Variants in RAP1GDS1 observed in about 807,000 individuals in gnomAD.
The protein encoded by RAP1GDS1 is Rap1 GTPase-GDP dissociation stimulator 1.
In RAP1GDS1, 35 loss-of-function variants were observed where a neutral mutation model predicts 71.1. The observed-to-expected ratio is 0.49, with a 90% CI of 0.38 to 0.65. The LOEUF (loss-of-function observed/expected upper bound fraction) is 0.65, where lower values mean the gene tolerates loss of function less well. Ranked by LOEUF, RAP1GDS1 falls within the 30% of genes least tolerant of loss-of-function variation. RAP1GDS1 has a pLI of 0.00. For missense variants in RAP1GDS1, 663 were observed against 706.1 expected (o/e 0.94, Z 0.69); for synonymous variants, 229 against 243.1 (o/e 0.94, Z 0.54).
intron 2 of RAP1GDS1, among the ~76,000 whole-genome samples, chr4:98,337,052 G>A (rs1734809510): frequency 6.6e-6 from 1 of 151,992 alleles, no homozygotes; most frequent in Admixed American, 6.6e-5. Context: ...CCACCACCAT[G>A]CCCAGCTAAT....
At chr4:98,434,127 G>A in intron 13 of RAP1GDS1, 65 bp downstream of exon 13, 1 of 1,573,882 alleles carries the variant, frequency 6.4e-7, no homozygotes, top group Middle Eastern at 1.7e-4. Context: ...AAGTATAGAA[G>A]TGGAGTTGAA....
At chr4:98,440,691 T>G (rs1380693068) in intron 14 of RAP1GDS1, among the ~76,000 whole-genome samples, 2 of 149,400 alleles carry the variant, frequency 1.3e-5, no homozygotes, top group African/African-American at 2.6e-5. Context: ...AATTGAAGGG[T>G]GTTGTTGTTG....
chr4:98,334,770 C>T (rs571688308), intron 2 of RAP1GDS1, among the ~76,000 whole-genome samples: 1 of 151,206 alleles, frequency 6.6e-6, no homozygotes, highest in Admixed American at 6.6e-5. Flanking sequence ...ATACTTAAGT[C>T]GTTAGTTGTC....
intron 2 of RAP1GDS1, among the ~76,000 whole-genome samples, chr4:98,332,963 A>G (rs189385958): frequency 4.3e-4 from 66 of 152,268 alleles, no homozygotes; most frequent in Non-Finnish European, 7.4e-4. Context: ...GACCTTTGAC[A>G]ACATGCTTAG....
At chr4:98,326,481 A>G (rs966115841) in intron 2 of RAP1GDS1, among the ~76,000 whole-genome samples, 1 of 152,188 alleles carries the variant, frequency 6.6e-6, no homozygotes, top group Admixed American at 6.5e-5. Context: ...ATTGTGATTT[A>G]TTCCCATTAA....
At chr4:98,312,211 A>G (rs747405097) in intron 2 of RAP1GDS1, among the ~76,000 whole-genome samples, 2 of 152,136 alleles carry the variant, frequency 1.3e-5, no homozygotes, top group Non-Finnish European at 2.9e-5. Flanking sequence ...CAATTCATGA[A>G]CACCTTAGTA....
At chr4:98,332,052 C>CT (rs1317270871) in intron 2 of RAP1GDS1, among the ~76,000 whole-genome samples, 4 of 152,112 alleles carry the variant, frequency 2.6e-5, no homozygotes, top group African/African-American at 9.7e-5. Context: ...AATGCAAAGT[C>CT]TTTGTTTCTT....
intron 2 of RAP1GDS1, among the ~76,000 whole-genome samples, chr4:98,331,944 G>C (rs1734080156): frequency 6.6e-6 from 1 of 152,052 alleles, no homozygotes; most frequent in African/African-American, 2.4e-5. Context: ...AAGCAATACA[G>C]AAAGTTACAT....
At chr4:98,344,287 A>G (rs1256423546) in intron 3 of RAP1GDS1, among the ~76,000 whole-genome samples, 1 of 152,114 alleles carries the variant, frequency 6.6e-6, no homozygotes, top group Non-Finnish European at 1.5e-5. Context: ...TTGAAAATGA[A>G]TTCTTTCCAG....
intron 1 of RAP1GDS1, among the ~76,000 whole-genome samples, chr4:98,287,990 A>G (rs1368636515): frequency 6.6e-6 from 1 of 152,144 alleles, no homozygotes; most frequent in Non-Finnish European, 1.5e-5. Flanking sequence ...GTGATAAATG[A>G]TTAAACTTTA....
rs113170332 is a variant in RAP1GDS1, at chr4:98,425,473, T to A, written c.1440+4079T>A. 6.4e-4 allele frequency among the ~76,000 whole-genome samples: 98 copies of A among 152,330 alleles called. 1 individual carries two copies. The East Asian group carries it at 0.018, about 28-fold the overall frequency. On this transcript the variant is annotated intron_variant, in intron 12 of 14. Transcript: ENST00000408927. Reference sequence around the variant, plus strand: ...AATAGATAAGAATTCATTAACTATCTGCTGCCTTTAAGAGACTTACCCAAC... The same window carrying A: ...AATAGATAAGAATTCATTAACTATCAGCTGCCTTTAAGAGACTTACCCAAC...
At chr4:98,387,880 C>G (rs193234078) in intron 5 of RAP1GDS1, among the ~76,000 whole-genome samples, 97 of 152,258 alleles carry the variant, frequency 6.4e-4, no homozygotes, top group Middle Eastern at 3.4e-3. Flanking sequence ...AGTAGTCTTG[C>G]AGTTGCTTCA....
At chr4:98,398,459 C>A (rs1009083265) in intron 6 of RAP1GDS1, among the ~76,000 whole-genome samples, 7 of 152,120 alleles carry the variant, frequency 4.6e-5, no homozygotes, top group African/African-American at 1.7e-4. Context: ...GAACATCTTA[C>A]AAGCTTCTAG....
chr4:98,344,885 C>T (rs12507859), intron 3 of RAP1GDS1, among the ~76,000 whole-genome samples: 1 of 152,232 alleles, frequency 6.6e-6, no homozygotes, highest in East Asian at 1.9e-4. Context: ...AGTGTAGTGG[C>T]AGGATCACGG....
At position 98,437,056 on chromosome 4, in the gene RAP1GDS1, C is replaced by T. The variant is rs748848962; in HGVS notation, c.1684C>T (p.Leu562Phe). 3.7e-6 allele frequency: 6 copies of T among 1,601,094 alleles called. No homozygotes were observed. The African/African-American group carries it at 5.4e-5, about 14-fold the overall frequency. ...TAATTCCATGGTCCTGATATGTGCT[C>T]TTATGGGATCTGGTAAGTATTCTTC... ...KYNSMVLICA[L>F]MGSECLHKEV... Residue 562 changes from leucine (L) to phenylalanine (F), a missense_variant, in exon 14 of 15, where the codon CTT (leucine) becomes TTT (phenylalanine). Leu to Phe is a conservative substitution (Grantham distance 22). Coordinates refer to ENST00000408927, the MANE Select transcript of RAP1GDS1 (RefSeq NM_001100427.2).
chr4:98,340,798 T>C (rs1480001661), intron 2 of RAP1GDS1, among the ~76,000 whole-genome samples: 3 of 151,710 alleles, frequency 2.0e-5, no homozygotes, highest in African/African-American at 7.3e-5. Flanking sequence ...TAAATATATA[T>C]ATAAAAAGTG....
In RAP1GDS1 at chr4:98,352,529, C is replaced by T; in HGVS notation, c.289C>T (p.Leu97=). 2 of 1,613,982 alleles carry T rather than the reference C, an allele frequency of 1.2e-6. No homozygotes were observed. Among genetic ancestry groups the T allele is most frequent in the Non-Finnish European group, 1.7e-6 (2 of 1,179,904 alleles). ...TGGATTGATTTCACCACTGGTGCAG[C>T]TGCTAAATAGCAAAGACCAGGAAGT... ...DAGLISPLVQ[L]LNSKDQEVLL... is the part of the protein sequence containing the mutation. The change falls in exon 4 of 15, where the codon CTG becomes TTG. Residue 97 remains leucine, a synonymous_variant. Coordinates refer to ENST00000408927, the MANE Select transcript of RAP1GDS1 (RefSeq NM_001100427.2).
intron 5 of RAP1GDS1, among the ~76,000 whole-genome samples, chr4:98,391,285 C>T (rs986810281): frequency 6.6e-6 from 1 of 152,088 alleles, no homozygotes; most frequent in Non-Finnish European, 1.5e-5. Context: ...TAACCTCATT[C>T]TCTTCACCTC....
At chr4:98,356,285 G>A (rs914633096) in intron 4 of RAP1GDS1, among the ~76,000 whole-genome samples, 1 of 151,976 alleles carries the variant, frequency 6.6e-6, no homozygotes, top group South Asian at 2.1e-4. Flanking sequence ...ATAAAAAAGA[G>A]GATTATGTTC....
Sources: allele counts gnomAD v4.1 joint callset (sites outside exome capture counted in the v4.1 genomes callset), GRCh38; gene constraint gnomAD v4.1.1; transcripts MANE v1.5; gene names NCBI Gene and HGNC (gene_info 2026-07-23, HGNC 2026-07-21).